Variants in GRIK4 observed in about 807,000 individuals in gnomAD.
The protein encoded by GRIK4 is glutamate receptor ionotropic, kainate 4.
A neutral mutation model predicts 104.9 loss-of-function variants in GRIK4; 40 were observed. The ratio of observed to expected loss-of-function variants is 0.38; its 90% CI spans 0.30 to 0.50. GRIK4 has a LOEUF of 0.50. GRIK4 is among the 20% of genes least tolerant of loss of function. The pLI is 0.93. For synonymous variants in GRIK4, 485 were observed against 524.9 expected, an observed-to-expected ratio of 0.92 and a Z score of 1.04; for missense variants, 1,047 against 1,308.1, an observed-to-expected ratio of 0.80 and a Z score of 3.08.
rs1948179384 is a variant in GRIK4 at position 120,555,628 on chromosome 11, C to A, written c.-159+43741C>A. Among the ~76,000 whole-genome samples, 1 of 152,114 alleles carries A rather than the reference C, an allele frequency of 6.6e-6. No homozygotes were observed. The highest frequency in any genetic ancestry group is 1.5e-5 in the Non-Finnish European group (1 of 68,022). On this transcript the variant is annotated intron_variant, in intron 1 of 20. Transcript: ENST00000527524. This position sits in a 1 kb window ranked among gnomAD's most constrained non-coding sequence, Gnocchi z 5.3. ...GGAGTTTCTTATCTGGCAAATGGGA[C>A]CGAGACACATCCAATGCCCAGGTGG...
rs1208160701 is a variant in GRIK4, at chr11:120,967,811, C to T, written c.2395+488C>T. 1.3e-5 allele frequency among the ~76,000 whole-genome samples: 2 copies of T among 152,124 alleles called. No homozygotes were observed. Among genetic ancestry groups the T allele is most frequent in the African/African-American group, 2.4e-5 (1 of 41,418 alleles). ...CAGGACCCTGTGTGATCTGTTCCCC[C>T]TCAGCCTTCCTCTCTTCTCTGTGGT... On this transcript the variant is annotated intron_variant, in intron 19 of 20. Transcript: ENST00000527524. This position sits in a 1 kb window ranked among gnomAD's most constrained non-coding sequence, Gnocchi z 4.2.
intron 3 of GRIK4, among the ~76,000 whole-genome samples, chr11:120,689,180 T>C (rs948726608): frequency 3.9e-5 from 6 of 152,068 alleles, no homozygotes; most frequent in African/African-American, 1.2e-4. Context: ...TGCTACAATA[T>C]TGAGATAACA....
chr11:120,681,894 T>C (rs1950198840), intron 3 of GRIK4, among the ~76,000 whole-genome samples: 1 of 152,204 alleles, frequency 6.6e-6, no homozygotes, highest in Admixed American at 6.5e-5. Context: ...GGGTAAAGGC[T>C]CTCCAAGGGG....
chr11:120,891,706 A>G (rs1470613402), intron 11 of GRIK4, among the ~76,000 whole-genome samples: 2 of 152,210 alleles, frequency 1.3e-5, no homozygotes, highest in East Asian at 3.9e-4. Context: ...TTATCTAGTA[A>G]GAAAGATAGG....
intron 3 of GRIK4, among the ~76,000 whole-genome samples, chr11:120,762,171 G>C (rs1951762755): frequency 6.6e-6 from 1 of 152,238 alleles, no homozygotes; most frequent in South Asian, 2.1e-4. Flanking sequence ...CTTGTAAGTT[G>C]TATTCCTAGG....
chr11:120,637,356 T>A (rs193109529), intron 1 of GRIK4, among the ~76,000 whole-genome samples: 352 of 152,240 alleles, frequency 2.3e-3, no homozygotes, highest in African/African-American at 8.3e-3. Context: ...GGCTTGTTTT[T>A]TTTCCCCCCT....
At chr11:120,975,396 G>A (rs1944544789) in intron 19 of GRIK4, among the ~76,000 whole-genome samples, 1 of 152,192 alleles carries the variant, frequency 6.6e-6, no homozygotes, top group Admixed American at 6.5e-5. Flanking sequence ...TCAGAGAGAT[G>A]CTGTGGAGGA....
At chr11:120,885,690 C>G (rs1386370094) in intron 11 of GRIK4, among the ~76,000 whole-genome samples, 12 of 152,150 alleles carry the variant, frequency 7.9e-5, no homozygotes, top group Non-Finnish European at 1.5e-5. Context: ...TGGCCAGCAA[C>G]AGAAATTCTT....
chr11:120,985,679 T>C (rs1425192322), intron 20 of GRIK4, among the ~76,000 whole-genome samples: 1 of 150,882 alleles, frequency 6.6e-6, no homozygotes, highest in East Asian at 1.9e-4. Context: ...CAAACAAAGA[T>C]TGGAGACCAG....
At chr11:120,736,725 A>G (rs1951227807) in intron 3 of GRIK4, among the ~76,000 whole-genome samples, 1 of 152,090 alleles carries the variant, frequency 6.6e-6, no homozygotes, top group South Asian at 2.1e-4. Flanking sequence ...AAGGTTGTAG[A>G]TCTGGACTTG....
chr11:120,848,413 G>C (rs924792193), intron 8 of GRIK4, among the ~76,000 whole-genome samples: 1 of 152,166 alleles, frequency 6.6e-6, no homozygotes, highest in African/African-American at 2.4e-5. Flanking sequence ...TTTGAATCAA[G>C]CCACTGCCTT....
chr11:120,700,648 G>A (rs1052765416), intron 3 of GRIK4, among the ~76,000 whole-genome samples: 5 of 152,032 alleles, frequency 3.3e-5, no homozygotes, highest in East Asian at 3.9e-4. Flanking sequence ...TAGTAGAGAC[G>A]GGGTTTCACC....
At chr11:120,936,338 A>G in intron 13 of GRIK4, 1 of 489,240 alleles carries the variant, frequency 2.0e-6, no homozygotes, top group South Asian at 1.5e-5. Context: ...GGCAATATTC[A>G]GGAAAGAACA....
chr11:120,699,740 G>A (rs1380826078), intron 3 of GRIK4, among the ~76,000 whole-genome samples: 1 of 152,188 alleles, frequency 6.6e-6, no homozygotes, highest in East Asian at 1.9e-4. Flanking sequence ...AATGAGAGAA[G>A]AGCTGCACAC....
intron 3 of GRIK4, among the ~76,000 whole-genome samples, chr11:120,729,631 G>T (rs749808848): frequency 2.0e-5 from 3 of 152,134 alleles, no homozygotes; most frequent in Non-Finnish European, 2.9e-5. Flanking sequence ...CTATAGAGTT[G>T]TTTGAGCTCC....
At chr11:120,621,129 G>A (rs1348454926) in intron 1 of GRIK4, among the ~76,000 whole-genome samples, 1 of 152,208 alleles carries the variant, frequency 6.6e-6, no homozygotes, top group Non-Finnish European at 1.5e-5. Flanking sequence ...CAAGCTCAAA[G>A]CCTCTGTGAA....
chr11:120,951,024 C>G (rs569222460), intron 14 of GRIK4, among the ~76,000 whole-genome samples: 2 of 152,244 alleles, frequency 1.3e-5, no homozygotes, highest in Non-Finnish European at 2.9e-5. Flanking sequence ...AGGGCAGTTC[C>G]GTGGTCTGAG....
At position 120,889,588 on chromosome 11, in the gene GRIK4, C is replaced by CTTTTTTTTTTTTTTTTT. The variant is rs776440015; in HGVS notation, c.1165-8944_1165-8943insTTTTTTTTTTTTTTTTT. 6.6e-4 allele frequency among the ~76,000 whole-genome samples: 44 copies of CTTTTTTTTTTTTTTTTT among 67,134 alleles called. 7 individuals are homozygous for CTTTTTTTTTTTTTTTTT. Among genetic ancestry groups the CTTTTTTTTTTTTTTTTT allele is most frequent in the East Asian group, 2.3e-3 (4 of 1,750 alleles). 44.0% of individuals were successfully genotyped at this position (67,134 alleles called of 152,430 possible). ...AATAGAATAAAATAGAAAGAGCTTA[C>CTTTTTTTTTTTTTTTTT]ATTTTTTTTTTTTTTTTTTTTTTTT... On this transcript the variant is annotated intron_variant, in intron 11 of 20. Coordinates refer to ENST00000527524, the MANE Select transcript of GRIK4 (RefSeq NM_014619.5).
At chr11:120,553,440 T>G (rs1948158275) in intron 1 of GRIK4, among the ~76,000 whole-genome samples, 1 of 152,174 alleles carries the variant, frequency 6.6e-6, no homozygotes, top group South Asian at 2.1e-4. Context: ...GAGAACATTT[T>G]CAGAGGAGAA....
Sources: allele counts gnomAD v4.1 joint callset (sites outside exome capture counted in the v4.1 genomes callset), GRCh38; gene constraint gnomAD v4.1.1; non-coding constraint Gnocchi (gnomAD v3.1); transcripts MANE v1.5; gene names NCBI Gene and HGNC (gene_info 2026-07-23, HGNC 2026-07-21).